The following HYDIN variants were observed in gnomAD, a reference collection of about 807,000 sequenced individuals.
The protein encoded by HYDIN is axonemal central pair apparatus protein HYDIN.
A neutral mutation model predicts 403.9 loss-of-function variants in HYDIN; 132 were observed. The observed-to-expected ratio is 0.33, with a 90% CI of 0.28 to 0.38. The LOEUF (loss-of-function observed/expected upper bound fraction) is 0.38, where lower values mean the gene tolerates loss of function less well. Among genes scored for constraint, HYDIN ranks in the 10% least tolerant of loss-of-function variants. The probability of loss-of-function intolerance (pLI) is 1.00; values close to 1 mark genes in which losing one functional copy is unlikely to be tolerated. For missense variants in HYDIN, 2,827 were observed against 5,009.5 expected, an observed-to-expected ratio of 0.56 and a Z score of 13.15; for synonymous variants, 1,202 against 1,891.7, an observed-to-expected ratio of 0.64 and a Z score of 9.46.
chr16:71,209,051 C>T (rs1333828468), intron 1 of HYDIN, among the ~76,000 whole-genome samples: 2 of 151,930 alleles, frequency 1.3e-5, no homozygotes, highest in African/African-American at 2.4e-5. Context: ...TCTATGAGGC[C>T]AGCATCATCC....
Position 70,892,361 on chromosome 16 carries a change from C to A in HYDIN, c.9417G>T (p.Gln3139His), listed in dbSNP as rs1465160384. The A allele has an allele frequency of 6.4e-7, 1 of 1,557,468 alleles. No individual in the cohort carries two copies. Among genetic ancestry groups the A allele is most frequent in the Admixed American group, 2.0e-5 (1 of 50,828 alleles). ...KIEHQPVLRC[Q>H]IIEPNISEGG... Reference sequence around the variant, plus strand: ...GCCCCTCCCTTTGGAGCTCTCTTACCTGACAGCGCAGAACAGGCTGGTGCT... The same window carrying A: ...GCCCCTCCCTTTGGAGCTCTCTTACATGACAGCGCAGAACAGGCTGGTGCT... The change falls in exon 56 of 86, where the codon CAG (glutamine) becomes CAT (histidine). Residue 3139 changes from glutamine (Q) to histidine (H), a missense_variant and splice_region_variant. By Grantham distance (24) the Gln-to-His change is conservative. Transcript: ENST00000393567.
Position 71,064,826 on chromosome 16 carries a change from G to A in HYDIN, c.2090C>T (p.Ala697Val). ...LLITARCVVP[A>V]LHLVNTEVDF... Reference sequence around the variant, plus strand: ...CACCTCTGTATTGACCAGGTGGAGGGCAGGTACAACACACCTGCTCGGAGG... The same window carrying A: ...CACCTCTGTATTGACCAGGTGGAGGACAGGTACAACACACCTGCTCGGAGG... The change falls in exon 16 of 86, where the codon GCC becomes GTC. Residue 697 changes from alanine to valine, a missense_variant. Ala to Val is a moderately conservative substitution (Grantham distance 64). Transcript: ENST00000393567. 1 of 1,610,204 alleles carries A rather than the reference G, an allele frequency of 6.2e-7. No individual in the cohort carries two copies. Among genetic ancestry groups the A allele is most frequent in the Non-Finnish European group, 8.5e-7 (1 of 1,178,256 alleles).
rs1175880602 is a variant in HYDIN, at chr16:71,230,557, C to G, written c.-24+5G>C. The G allele has an allele frequency of 2.0e-6, 3 of 1,533,442 alleles. No homozygotes were observed. Among genetic ancestry groups the G allele is most frequent in the Middle Eastern group, 1.7e-4 (1 of 5,976 alleles). 95.0% of individuals were successfully genotyped at this position (1,533,442 alleles called of 1,614,324 possible). ...GACCCCACAATCTCTGCGAGGACCT[C>G]TGACCTTGGTGCACTCCGGGTCCCA... On this transcript the variant is annotated splice_donor_5th_base_variant and intron_variant, in intron 1 of 85. Coordinates refer to ENST00000393567, the MANE Select transcript of HYDIN (RefSeq NM_001270974.2).
intron 8 of HYDIN, among the ~76,000 whole-genome samples, chr16:71,134,160 C>A (rs2144525303): frequency 6.6e-6 from 1 of 152,174 alleles, no homozygotes; most frequent in East Asian, 1.9e-4. Context: ...TACAAGAGGA[C>A]AAGAAACCAT....
intron 23 of HYDIN, among the ~76,000 whole-genome samples, chr16:70,998,578 T>C (rs1512627): frequency 0.18 from 17,971 of 101,980 alleles, 3,069 homozygotes; most frequent in African/African-American, 0.46. Context: ...CCTATTCTTG[T>C]TCTCAGCTAT....
chr16:70,830,100 A>G (rs1055844045), intron 80 of HYDIN, among the ~76,000 whole-genome samples: 2 of 152,106 alleles, frequency 1.3e-5, no homozygotes, highest in African/African-American at 4.8e-5. Context: ...CTAGAGGGAG[A>G]CAGACACACA....
Position 70,818,385 on chromosome 16 carries a change from T to C in HYDIN, c.14615A>G (p.Asp4872Gly), listed in dbSNP as rs1286805691. Residue 4872 changes from aspartate to glycine, a missense_variant, in exon 84 of 86, where the codon GAC (aspartate) becomes GGC (glycine). Asp to Gly is a moderately conservative substitution (Grantham distance 94). Transcript: ENST00000393567. Reference sequence around the variant, plus strand: ...CACAAACTGGGAGGGCAGGGCGATGTCGGGCATCCGGCATTCCGTGGAGAA... The same window carrying C: ...CACAAACTGGGAGGGCAGGGCGATGCCGGGCATCCGGCATTCCGTGGAGAA... ...VTFSTECRMP[D>G]IALPSQFVVP... The C allele has an allele frequency of 6.2e-7, 1 of 1,613,652 alleles. No individual in the cohort carries two copies. Among genetic ancestry groups the C allele is most frequent in the Non-Finnish European group, 8.5e-7 (1 of 1,179,808 alleles).
At chr16:71,193,317 T>C (rs1597996483) in intron 1 of HYDIN, among the ~76,000 whole-genome samples, 1 of 152,248 alleles carries the variant, frequency 6.6e-6, no homozygotes, top group Non-Finnish European at 1.5e-5. Context: ...AAAATGTCAG[T>C]CTTTGGCTCC....
intron 1 of HYDIN, among the ~76,000 whole-genome samples, chr16:71,227,190 G>T (rs1317345634): frequency 6.6e-6 from 1 of 151,572 alleles, no homozygotes; most frequent in Admixed American, 6.6e-5. Context: ...AATGATATGG[G>T]CAAAAGATAC....
chr16:71,102,554 A>G (rs1434232968), intron 10 of HYDIN, among the ~76,000 whole-genome samples: 1 of 151,340 alleles, frequency 6.6e-6, no homozygotes, highest in African/African-American at 2.4e-5. Flanking sequence ...GTATGATATG[A>G]ATGTATGCAT....
At chr16:71,092,808 T>C (rs1315715500) in intron 11 of HYDIN, among the ~76,000 whole-genome samples, 30 of 140,830 alleles carry the variant, frequency 2.1e-4, no homozygotes, top group South Asian at 2.4e-4. Flanking sequence ...CTTGAACTCC[T>C]GACCTCAAGT....
At chr16:71,171,796 C>T (rs984604730) in intron 5 of HYDIN, among the ~76,000 whole-genome samples, 5 of 152,182 alleles carry the variant, frequency 3.3e-5, no homozygotes, top group Non-Finnish European at 5.9e-5. Flanking sequence ...TTTTTACATG[C>T]TCTTCTCATC....
intron 12 of HYDIN, among the ~76,000 whole-genome samples, chr16:71,082,979 A>T (rs1486055164): frequency 4.0e-5 from 6 of 151,470 alleles, no homozygotes; most frequent in Non-Finnish European, 1.5e-5. Flanking sequence ...TCAAAAAGAA[A>T]CCTCATGCCC....
At chr16:71,104,344 C>CAA (rs58394782) in intron 10 of HYDIN, among the ~76,000 whole-genome samples, 24 of 122,538 alleles carry the variant, frequency 2.0e-4, no homozygotes, top group African/African-American at 6.7e-4. Context: ...ACCCAAAATA[C>CAA]AAAAAAAAAT....
chr16:71,175,711 T>C lies in HYDIN; in HGVS notation c.412A>G (p.Ser138Gly), dbSNP rs759445301. The stretch of plus-strand genomic sequence containing the variant: ...CTGATTACTTTAAAGTAAGGCGAAC[T>C]TTCTTCCACAACTTTCACCAACCTT... The part of the protein sequence containing the change: ...IPRLVKVVEE[S>G]SPYFKVISPK... The change falls in exon 5 of 86, where the codon AGT becomes GGT. Residue 138 changes from serine (S) to glycine (G), a missense_variant. Transcript: ENST00000393567. The C allele has an allele frequency of 6.2e-7, 1 of 1,614,200 alleles. No homozygotes were observed. Among genetic ancestry groups the C allele is most frequent in the South Asian group, 1.1e-5 (1 of 91,084 alleles).
At chr16:71,206,413 TA>T (rs2088302844) in intron 1 of HYDIN, among the ~76,000 whole-genome samples, 1 of 151,444 alleles carries the variant, frequency 6.6e-6, no homozygotes, top group African/African-American at 2.4e-5. Flanking sequence ...TCAAAGAAAA[TA>T]AAAATCAAAA....
At chr16:71,034,222 C>T (rs1358724858) in intron 18 of HYDIN, among the ~76,000 whole-genome samples, 4 of 152,274 alleles carry the variant, frequency 2.6e-5, no homozygotes, top group Non-Finnish European at 5.9e-5. Flanking sequence ...ATTACCCTTT[C>T]ATTTAATTCT....
At chr16:70,875,037 T>C in intron 62 of HYDIN, 118 bp from the exon 63 acceptor site, 3 of 1,089,974 alleles carry the variant, frequency 2.8e-6, no homozygotes, top group Non-Finnish European at 2.5e-6. Context: ...TTATGCCTAG[T>C]ATTCACTTTT....
At chr16:70,818,711 C>T (rs997355198) in intron 83 of HYDIN, 139 bp from the exon 84 acceptor site, 10 of 570,944 alleles carry the variant, frequency 1.8e-5, no homozygotes, top group African/African-American at 1.4e-4. Flanking sequence ...ACAGGACGCT[C>T]GCAGCCTATC....
Sources: gnomAD v4.1 joint callset for allele counts (sites outside exome capture counted in the v4.1 genomes callset) on GRCh38, gnomAD v4.1.1 for gene constraint, MANE v1.5 for transcripts, NCBI Gene and HGNC (gene_info 2026-07-23, HGNC 2026-07-21) for gene names.